The following TVP23C variants were observed in gnomAD, a reference collection of about 807,000 sequenced individuals.
The protein encoded by TVP23C is trans-golgi network vesicle protein 23 homolog C.
In TVP23C, 19 loss-of-function variants were observed where a neutral mutation model predicts 28.7. That is an observed-to-expected ratio of 0.66 (90% CI 0.46 to 0.97). TVP23C has a LOEUF of 0.97. Among genes scored for constraint, TVP23C ranks in the 50% least tolerant of loss-of-function variants. TVP23C has a pLI of 0.00. For synonymous variants in TVP23C, 68 were observed against 81.7 expected, an observed-to-expected ratio of 0.83 and a Z score of 0.90; for missense variants, 186 against 241.3, an observed-to-expected ratio of 0.77 and a Z score of 1.52.
intron 5 of TVP23C, among the ~76,000 whole-genome samples, chr17:15,543,450 G>GA (rs200641031): frequency 6.7e-6 from 1 of 148,552 alleles, no homozygotes; most frequent in Non-Finnish European, 1.5e-5. Flanking sequence ...TACTCGAAAA[G>GA]AAAAAAAACC....
At chr17:15,517,193 C>A (rs558039658) in intron 5 of TVP23C, among the ~76,000 whole-genome samples, 2 of 152,300 alleles carry the variant, frequency 1.3e-5, no homozygotes, top group East Asian at 3.9e-4. Flanking sequence ...CCTGTCACCC[C>A]CCAACTGATA....
rs146340456 is a variant in TVP23C at position 15,515,208 on chromosome 17, G to A, written c.463-11976C>T. ...AAGGAAAAACGTGCAAAGGTATAACGTACACTCCAGAGTCTCCCTGTGCAA... is the reference window on the plus strand; with the variant it reads ...AAGGAAAAACGTGCAAAGGTATAACATACACTCCAGAGTCTCCCTGTGCAA... On this transcript the variant is annotated intron_variant, in intron 5 of 5. Transcript: ENST00000225576. Among the ~76,000 whole-genome samples, 563 of 152,160 alleles carry A rather than the reference G, an allele frequency of 3.7e-3. 5 individuals are homozygous for A. The highest frequency in any genetic ancestry group is 0.016 in the Admixed American group (237 of 15,284).
chr17:15,503,447 C>T (rs1217492568), intron 5 of TVP23C: 2 of 510,182 alleles, frequency 3.9e-6, no homozygotes, highest in African/African-American at 1.9e-5. Context: ...TGCTTTAGAA[C>T]GCCTCAGTGC....
chr17:15,541,201 A>C (rs1983398358), intron 5 of TVP23C, among the ~76,000 whole-genome samples: 1 of 152,240 alleles, frequency 6.6e-6, no homozygotes, highest in Non-Finnish European at 1.5e-5. Context: ...TGAGAAAAAG[A>C]AACTCAAAAC....
chr17:15,519,602 C>T (rs1465424793), intron 5 of TVP23C, among the ~76,000 whole-genome samples: 3 of 152,158 alleles, frequency 2.0e-5, no homozygotes, highest in Non-Finnish European at 1.5e-5. Flanking sequence ...TTTTTCTCAA[C>T]ATGCCTTAAA....
At position 15,503,274 on chromosome 17, in the gene TVP23C, G is replaced by C. The variant is rs187320300; in HGVS notation, c.463-42C>G. The stretch of plus-strand genomic sequence containing the variant: ...AAAAATAAATTAGCCAGGTGTAGTG[G>C]CGCGCCTGTGGTTCCAGCTACTTGA... On this transcript the variant is annotated intron_variant, in intron 5 of 5. Coordinates refer to the TVP23C transcript ENST00000225576. 6,709 of 1,447,916 alleles carry C rather than the reference G, an allele frequency of 4.6e-3. 268 individuals are homozygous for C. The African/African-American group carries it at 0.082, about 18-fold the overall frequency. The allele number at this position is 1,447,916 out of a possible 1,614,324, so 89.7% of individuals were successfully genotyped here. A position where few individuals can be genotyped will look rare whatever the true frequency, so the allele number is the denominator to read the frequency against.
chr17:15,555,317 C>T lies in TVP23C; in HGVS notation c.60G>A (p.Glu20=), dbSNP rs745321738. The T allele has an allele frequency of 6.8e-6, 11 of 1,613,956 alleles. No homozygotes were observed. The highest frequency in any genetic ancestry group is 9.3e-6 in the Non-Finnish European group (11 of 1,179,864). Residue 20 remains glutamate (E), a synonymous_variant, in exon 2 of 6, where the codon GAG becomes GAA. Transcript: ENST00000518321. ...CTTTTCTTGGTCTATTAGTCGTCTC[C>T]TCTTCCGCATCAAACAGTGAAACAT... is the stretch of plus-strand genomic sequence containing the variant. ...TEDVSLFDAE[E]ETTNRPRKAK... is the part of the protein sequence containing the mutation.
chr17:15,505,561 T>TA (rs1416009232), intron 5 of TVP23C, among the ~76,000 whole-genome samples: 1 of 152,164 alleles, frequency 6.6e-6, no homozygotes. Context: ...CCGCTTGCTC[T>TA]CGGAACCTCC....
Position 15,538,989 on chromosome 17 carries a change from G to A in TVP23C, c.*1423C>T, listed in dbSNP as rs201362934. Reference sequence around the variant, plus strand: ...GAATAAAAAGAACAATAAATTTTGAGTACAGAGGGCTGGGTTTAAGATCTA... The same window carrying A: ...GAATAAAAAGAACAATAAATTTTGAATACAGAGGGCTGGGTTTAAGATCTA... On this transcript the variant is annotated 3_prime_UTR_variant, in exon 6 of 6. Coordinates refer to ENST00000518321, the MANE Select transcript of TVP23C (RefSeq NM_001135036.2). 6.1e-6 allele frequency: 6 copies of A among 985,676 alleles called. No homozygotes were observed. In the East Asian group the frequency reaches 4.5e-4, roughly 75 times the overall value. The allele number at this position is 985,676 out of a possible 1,614,324, so 61.1% of individuals were successfully genotyped here.
At chr17:15,521,858 CAT>C (rs915119702) in intron 5 of TVP23C, among the ~76,000 whole-genome samples, 33 of 152,342 alleles carry the variant, frequency 2.2e-4, no homozygotes, top group African/African-American at 7.7e-4. Flanking sequence ...GTCTACTCCA[CAT>C]GTCTCTCATT....
At chr17:15,522,138 A>G (rs1982507447) in intron 5 of TVP23C, among the ~76,000 whole-genome samples, 1 of 152,216 alleles carries the variant, frequency 6.6e-6, no homozygotes, top group Admixed American at 6.5e-5. Context: ...ACAAATTACT[A>G]CAGATTCTAC....
At chr17:15,528,790 G>C (rs1245989494) in intron 5 of TVP23C, among the ~76,000 whole-genome samples, 1 of 151,044 alleles carries the variant, frequency 6.6e-6, no homozygotes, top group Non-Finnish European at 1.5e-5. Flanking sequence ...CAGAGACGGG[G>C]TTTCTCCATG....
chr17:15,535,659 A>G (rs1346651452), downstream of TVP23C, among the ~76,000 whole-genome samples: 2 of 152,260 alleles, frequency 1.3e-5, no homozygotes, highest in African/African-American at 2.4e-5. Context: ...AGCAACTACA[A>G]TATTCACTTA....
At chr17:15,551,114 C>T (rs1424885759) in intron 3 of TVP23C, among the ~76,000 whole-genome samples, 2 of 149,414 alleles carry the variant, frequency 1.3e-5, no homozygotes, top group African/African-American at 2.5e-5. Context: ...CTAATAGTTG[C>T]CATTATTGTT....
At chr17:15,503,305 C>T in intron 5 of TVP23C, 1 of 1,428,712 alleles carries the variant, frequency 7.0e-7, no homozygotes, top group Non-Finnish European at 9.1e-7. Context: ...CTTGACAGGC[C>T]GAGATGGGAG....
At chr17:15,514,101 T>C (rs1319464456) in intron 5 of TVP23C, among the ~76,000 whole-genome samples, 1 of 152,198 alleles carries the variant, frequency 6.6e-6, no homozygotes, top group Non-Finnish European at 1.5e-5. Flanking sequence ...CTGGGCTACT[T>C]GCTTAGGAGC....
intron 3 of TVP23C, among the ~76,000 whole-genome samples, chr17:15,552,296 A>G (rs7217356): frequency 0.032 from 4,823 of 152,326 alleles, 267 homozygotes; most frequent in African/African-American, 0.11. Flanking sequence ...AGAAAAACCT[A>G]AAGAAAACAG....
intron 5 of TVP23C, chr17:15,507,114 G>A (rs970417383): frequency 2.1e-5 from 20 of 960,576 alleles, no homozygotes; most frequent in East Asian, 2.7e-5. Flanking sequence ...ATTTGATGTC[G>A]AGGACTTCAC....
intron 5 of TVP23C, among the ~76,000 whole-genome samples, chr17:15,517,718 C>A (rs935094463): frequency 6.6e-6 from 1 of 152,130 alleles, no homozygotes; most frequent in Non-Finnish European, 1.5e-5. Context: ...TGCCATCCCA[C>A]CCTAAACAGG....
Sources: allele counts gnomAD v4.1 joint callset (sites outside exome capture counted in the v4.1 genomes callset), GRCh38; gene constraint gnomAD v4.1.1; transcripts MANE v1.5; gene names NCBI Gene and HGNC (gene_info 2026-07-23, HGNC 2026-07-21).